The following SLC30A10 variants were observed in gnomAD, a reference collection of about 807,000 sequenced individuals.
SLC30A10 encodes the protein calcium/manganese antiporter SLC30A10.
A neutral mutation model predicts 21.7 loss-of-function variants in SLC30A10; 8 were observed. That is an observed-to-expected ratio of 0.37 (90% confidence interval 0.22 to 0.67). The LOEUF (loss-of-function observed/expected upper bound fraction) is 0.67. Ranked by LOEUF, SLC30A10 falls within the 30% of genes least tolerant of loss-of-function variation. SLC30A10 has a pLI of 0.58. For missense variants in SLC30A10, 521 were observed against 642.5 expected, an observed-to-expected ratio of 0.81 and a Z score of 2.04; for synonymous variants, 272 against 279.4, an observed-to-expected ratio of 0.97 and a Z score of 0.26.
intron 1 of SLC30A10, among the ~76,000 whole-genome samples, chr1:219,938,842 A>G (rs1342045263): frequency 1.3e-5 from 2 of 152,214 alleles, no homozygotes; most frequent in Admixed American, 1.3e-4. Flanking sequence ...GCCTGTGGTA[A>G]GCAGCTGCCA....
At chr1:219,958,282 A>T (rs553963697) in intron 1 of SLC30A10, among the ~76,000 whole-genome samples, 1 of 152,164 alleles carries the variant, frequency 6.6e-6, no homozygotes, top group Non-Finnish European at 1.5e-5. Flanking sequence ...TGTGGCTACG[A>T]TTAGTGCCTT....
At chr1:219,953,923 G>A (rs566240243) in intron 1 of SLC30A10, among the ~76,000 whole-genome samples, 2 of 151,138 alleles carry the variant, frequency 1.3e-5, no homozygotes, top group South Asian at 4.2e-4. Flanking sequence ...AGGCAGGATG[G>A]TCTCGATCTC....
chr1:219,958,316 G>A (rs2102549947), intron 1 of SLC30A10, among the ~76,000 whole-genome samples: 1 of 152,194 alleles, frequency 6.6e-6, no homozygotes, highest in African/African-American at 2.4e-5. Context: ...CGTGCCTGAA[G>A]ACACTTTTTC....
chr1:219,935,611 C>G (rs1660035490), intron 1 of SLC30A10, among the ~76,000 whole-genome samples: 2 of 152,342 alleles, frequency 1.3e-5, no homozygotes, highest in South Asian at 4.1e-4. Context: ...AGGTATCACT[C>G]TCTCAGACAG....
In SLC30A10 at chr1:219,915,306, C is replaced by G. The variant is rs1339838101; in HGVS notation, c.*143G>C. Reference sequence around the variant, plus strand: ...ATTCACAGACACGTTTAACTAAAATCCCAAACAGCCAACCCCTAGTGAACA... The same window carrying G: ...ATTCACAGACACGTTTAACTAAAATGCCAAACAGCCAACCCCTAGTGAACA... On this transcript the variant is annotated 3_prime_UTR_variant, in exon 4 of 4. Coordinates refer to ENST00000366926, the MANE Select transcript of SLC30A10 (RefSeq NM_018713.3). 9.7e-7 allele frequency: 1 copy of G among 1,034,832 alleles called. No homozygotes were observed. Among genetic ancestry groups the G allele is most frequent in the Admixed American group, 2.3e-5 (1 of 42,968 alleles). The allele number at this position is 1,034,832 out of a possible 1,614,324, so 64.1% of individuals were successfully genotyped here. A position where few individuals can be genotyped will look rare whatever the true frequency, so the allele number is the denominator to read the frequency against.
At position 219,928,272 on chromosome 1, in the gene SLC30A10, C is replaced by T; in HGVS notation, c.169G>A (p.Ala57Thr). The change falls in exon 1 of 4, where the codon GCC (alanine) becomes ACC (threonine). Residue 57 changes from alanine to threonine, a missense_variant. By Grantham distance (58) the Ala-to-Thr change is moderately conservative. Coordinates refer to ENST00000366926, the MANE Select transcript of SLC30A10 (RefSeq NM_018713.3). This position sits in a 1 kb window ranked among gnomAD's most constrained non-coding sequence, Gnocchi z 6.3. ...DLISLCVGLS[A>T]GYIARRPTRG... ...GTGGGGCGCCGGGCGATGTAGCCGG[C>T]GCTCAGGCCCACGCACAGCGAGATC... 1 of 1,596,122 alleles carries T rather than the reference C, an allele frequency of 6.3e-7. No individual in the cohort carries two copies. The highest frequency in any genetic ancestry group is 2.3e-5 in the East Asian group (1 of 44,218).
chr1:219,950,594 G>C (rs547733996), intron 1 of SLC30A10, among the ~76,000 whole-genome samples: 1 of 148,548 alleles, frequency 6.7e-6, no homozygotes, highest in Non-Finnish European at 1.5e-5. Context: ...AGCCAAGATC[G>C]TGCCACTGCA....
chr1:219,951,176 G>T (rs1275210945), intron 1 of SLC30A10, among the ~76,000 whole-genome samples: 1 of 151,834 alleles, frequency 6.6e-6, no homozygotes, highest in Non-Finnish European at 1.5e-5. Flanking sequence ...GCCGAGGCTG[G>T]TCTCAAACTC....
chr1:219,914,570 G>C lies in SLC30A10; in HGVS notation c.*879C>G, dbSNP rs904854474. 1.3e-5 allele frequency: 2 copies of C among 152,104 alleles called. No individual in the cohort carries two copies. Among genetic ancestry groups the C allele is most frequent in the Non-Finnish European group, 2.9e-5 (2 of 68,016 alleles). The allele number at this position is 152,104 out of a possible 1,614,324, so 9.4% of individuals were successfully genotyped here. On this transcript the variant is annotated 3_prime_UTR_variant, in exon 4 of 4. Coordinates refer to ENST00000366926, the MANE Select transcript of SLC30A10 (RefSeq NM_018713.3). ...ACTCTTTTCTGGTAAATGCTGCATA[G>C]ATCAATGCAATCATATGAAAGAAAA...
rs1558247334 is a variant in SLC30A10 at position 219,911,155 on chromosome 1, T to TTTTTGTTTTTG, written c.*4293_*4294insCAAAAACAAAA. ...CTTCATTTTTTCTACATCAGTTTTT[T>TTTTTGTTTTTG]TTTTTTTTTTTTTTTTTTTGCAGTC... is the stretch of plus-strand genomic sequence containing the variant. On this transcript the variant is annotated 3_prime_UTR_variant, in exon 4 of 4. Transcript: ENST00000366926. Among the ~76,000 whole-genome samples, 5 of 107,486 alleles carry TTTTTGTTTTTG rather than the reference T, an allele frequency of 4.7e-5. 1 individual carries two copies. Among genetic ancestry groups the TTTTTGTTTTTG allele is most frequent in the Admixed American group, 2.0e-4 (2 of 9,966 alleles). The allele number at this position is 107,486 out of a possible 152,430, so 70.5% of individuals were successfully genotyped here.
Position 219,928,215 on chromosome 1 carries a change from G to T in SLC30A10, c.226C>A (p.Arg76Ser). 1 of 1,562,608 alleles carries T rather than the reference G, an allele frequency of 6.4e-7. No individual in the cohort carries two copies. Among genetic ancestry groups the T allele is most frequent in the Non-Finnish European group, 8.7e-7 (1 of 1,153,688 alleles). ...RGFSATYGYA[R>S]AEVVGALSNA... The stretch of plus-strand genomic sequence containing the variant: ...CTCAGCGCGCCCACCACCTCGGCGC[G>T]GGCGTAGCCGTAGGTGGCGCTGAAG... The change falls in exon 1 of 4, where the codon CGC (arginine) becomes AGC (serine). Residue 76 changes from arginine to serine, a missense_variant. Arg to Ser is a moderately radical substitution (Grantham distance 110, BLOSUM62 -1). Coordinates refer to ENST00000366926, the MANE Select transcript of SLC30A10 (RefSeq NM_018713.3). The surrounding 1 kb of genome is among the most constrained non-coding windows in gnomAD (Gnocchi z 6.3).
intron 2 of SLC30A10, among the ~76,000 whole-genome samples, chr1:219,922,158 T>TTGTGTGCGTG (rs1553313112): frequency 2.3e-5 from 1 of 42,838 alleles, no homozygotes; most frequent in Non-Finnish European, 4.3e-5. Flanking sequence ...ACCTTCTTGT[T>TTGTGTGCGTG]TGTGTGTGTG....
chr1:219,940,817 T>C (rs1191138930), intron 1 of SLC30A10, among the ~76,000 whole-genome samples: 2 of 152,168 alleles, frequency 1.3e-5, no homozygotes, highest in Non-Finnish European at 2.9e-5. Flanking sequence ...CCTGGGTCGA[T>C]TTTTGGTTTA....
At position 219,911,608 on chromosome 1, in the gene SLC30A10, C is replaced by T. The variant is rs890169348; in HGVS notation, c.*3841G>A. ...TATAAAGGGATTTATAAGGGCTTTTCATTTCAAATTACATTTTTCTTTAAA... is the reference window on the plus strand; with the variant it reads ...TATAAAGGGATTTATAAGGGCTTTTTATTTCAAATTACATTTTTCTTTAAA... On this transcript the variant is annotated 3_prime_UTR_variant, in exon 4 of 4. Coordinates refer to ENST00000366926, the MANE Select transcript of SLC30A10 (RefSeq NM_018713.3). 1.3e-5 allele frequency among the ~76,000 whole-genome samples: 2 copies of T among 151,974 alleles called. No individual in the cohort carries two copies. Among genetic ancestry groups the T allele is most frequent in the Non-Finnish European group, 2.9e-5 (2 of 68,012 alleles).
chr1:219,911,149 G>GTTTTTTGTTTTTTTT lies in SLC30A10; in HGVS notation c.*4299_*4300insAAAAAAAACAAAAAA, dbSNP rs1659401123. ...ATGTTTCTTCATTTTTTCTACATCA[G>GTTTTTTGTTTTTTTT]TTTTTTTTTTTTTTTTTTTTTTTTT... On this transcript the variant is annotated 3_prime_UTR_variant, in exon 4 of 4. Coordinates refer to ENST00000366926, the MANE Select transcript of SLC30A10 (RefSeq NM_018713.3). Among the ~76,000 whole-genome samples the GTTTTTTGTTTTTTTT allele has an allele frequency of 2.0e-5, 1 of 49,400 alleles. No individual in the cohort carries two copies. The highest frequency in any genetic ancestry group is 4.5e-5 in the Non-Finnish European group (1 of 22,434). The allele number at this position is 49,400 out of a possible 152,430, so 32.4% of individuals were successfully genotyped here.
chr1:219,950,606 T>G (rs1455943105), intron 1 of SLC30A10, among the ~76,000 whole-genome samples: 2 of 151,148 alleles, frequency 1.3e-5, no homozygotes, highest in Non-Finnish European at 2.9e-5. Flanking sequence ...GCCACTGCAC[T>G]CCAGCCTGGG....
At chr1:219,926,830 T>C (rs1659837318) in intron 2 of SLC30A10, among the ~76,000 whole-genome samples, 198 bp downstream of exon 2, 1 of 152,190 alleles carries the variant, frequency 6.6e-6, no homozygotes, top group Non-Finnish European at 1.5e-5. Context: ...TCAGTGGAGC[T>C]AAGATAAATC....
At chr1:219,958,999 C>G (rs1660387669), upstream of SLC30A10, among the ~76,000 whole-genome samples, 1 of 152,224 alleles carries the variant, frequency 6.6e-6, no homozygotes, top group African/African-American at 2.4e-5. Flanking sequence ...ACGGAAGCTT[C>G]TTCCGGAGTA....
At chr1:219,939,447 A>T (rs796185453) in intron 1 of SLC30A10, among the ~76,000 whole-genome samples, 2 of 151,274 alleles carry the variant, frequency 1.3e-5, no homozygotes, top group South Asian at 4.2e-4. Flanking sequence ...TTTTTCTTTG[A>T]GACCAAGTCT....
Sources: allele counts gnomAD v4.1 joint callset (sites outside exome capture counted in the v4.1 genomes callset), GRCh38; gene constraint gnomAD v4.1.1; non-coding constraint Gnocchi (gnomAD v3.1); transcripts MANE v1.5; gene names NCBI Gene and HGNC (gene_info 2026-07-23, HGNC 2026-07-21).